The following DST variants were observed in gnomAD, a reference collection of about 807,000 sequenced individuals.
The protein encoded by DST is bullous pemphigoid antigen.
DST carries 253 observed loss-of-function variants against 875.2 expected under a neutral mutation model. The ratio of observed to expected loss-of-function variants is 0.29; its 90% CI spans 0.26 to 0.32. The LOEUF (loss-of-function observed/expected upper bound fraction) is 0.32. DST is among the 10% of genes least tolerant of loss of function. The pLI, the probability that DST is intolerant of heterozygous loss-of-function variation, is 1.00. For synonymous variants in DST, 3,124 were observed against 3,197.1 expected (o/e 0.98, Z 0.77); for missense variants, 8,287 against 9,111.6 (o/e 0.91, Z 3.68).
intron 9 of DST, among the ~76,000 whole-genome samples, chr6:56,686,561 CA>C (rs1486245563): frequency 6.6e-6 from 1 of 152,082 alleles, no homozygotes; most frequent in Non-Finnish European, 1.5e-5. Context: ...AGAAGGCTAA[CA>C]AAGTTTTAAG....
chr6:56,954,698 G>A lies in DST; in HGVS notation c.-111C>T. On this transcript the variant is annotated 5_prime_UTR_variant, in exon 1 of 104. It adds an upstream start codon to the 5' untranslated region. Transcript: ENST00000680361. ...GGCACGGGTGAGCGCGGCTCAGCGC[G>A]TCATGCCTGGCGCTCGCGGCCCCGC... The A allele has an allele frequency of 3.2e-6, 2 of 633,164 alleles. No individual in the cohort carries two copies. The highest frequency in any genetic ancestry group is 4.0e-6 in the Non-Finnish European group (2 of 496,860). The allele number at this position is 633,164 out of a possible 1,614,324, so 39.2% of individuals were successfully genotyped here.
At chr6:56,624,737 C>T in intron 35 of DST, 109 bp from the exon 36 acceptor site, 1 of 727,860 alleles carries the variant, frequency 1.4e-6, no homozygotes, top group Admixed American at 2.0e-5. Context: ...CAGCAAAGCA[C>T]ACAACTCCCC....
Position 56,714,192 on chromosome 6 carries a change from C to T in DST, c.688-9823G>A, listed in dbSNP as rs2099387304. Among the ~76,000 whole-genome samples the T allele has an allele frequency of 6.6e-6, 1 of 152,140 alleles. No individual in the cohort carries two copies. Among genetic ancestry groups the T allele is most frequent in the Non-Finnish European group, 1.5e-5 (1 of 68,030 alleles). On this transcript the variant is annotated intron_variant, in intron 5 of 103. Coordinates refer to ENST00000680361, the MANE Select transcript of DST (RefSeq NM_001374736.1). This position sits in a 1 kb window ranked among gnomAD's most constrained non-coding sequence, Gnocchi z 4.5. ...AAAATAAAACCACCCAAAATCATAT[C>T]TGGGGAACTGATATGTTTGGAATGG... is the stretch of plus-strand genomic sequence containing the variant.
intron 3 of DST, among the ~76,000 whole-genome samples, chr6:56,889,849 C>A (rs1786490878): frequency 6.6e-6 from 1 of 152,058 alleles, no homozygotes; most frequent in Non-Finnish European, 1.5e-5. Flanking sequence ...AGGTGCCCTG[C>A]CACAGAAAGA....
Position 56,552,597 on chromosome 6 carries a change from C to A in DST, c.16195G>T (p.Ala5399Ser), listed in dbSNP as rs553940584. 1.9e-6 allele frequency: 3 copies of A among 1,613,900 alleles called. No homozygotes were observed. The highest frequency in any genetic ancestry group is 1.1e-5 in the South Asian group (1 of 91,072). The change falls in exon 61 of 104, where the codon GCA becomes TCA. Residue 5399 changes from alanine (A) to serine (S), a missense_variant. Ala to Ser is a moderately conservative substitution (Grantham distance 99, BLOSUM62 1). Transcript: ENST00000680361. Reference sequence around the variant, plus strand: ...CTATCCAGTTCATCATCAAACTCTGCGAACTGAGAAAACATTTCTCGAATG... The same window carrying A: ...CTATCCAGTTCATCATCAAACTCTGAGAACTGAGAAAACATTTCTCGAATG... ...NTIREMFSQF[A>S]EFDDELDSMA...
At chr6:56,477,585 A>T (rs1409372995) in intron 90 of DST, 97 bp from the exon 91 acceptor site, 1 of 1,473,960 alleles carries the variant, frequency 6.8e-7, no homozygotes, top group Non-Finnish European at 9.4e-7. Flanking sequence ...ACAAATAAAC[A>T]AAAACTTCAA....
intron 60 of DST, among the ~76,000 whole-genome samples, chr6:56,555,046 T>C (rs1362625815): frequency 6.6e-6 from 1 of 152,196 alleles, no homozygotes; most frequent in African/African-American, 2.4e-5. Flanking sequence ...AAATAAGACT[T>C]TCATACAGCA....
At chr6:56,484,468 A>G (rs1413999291) in intron 88 of DST, 2 of 152,194 alleles carry the variant, frequency 1.3e-5, no homozygotes. Flanking sequence ...AGATCAAAAT[A>G]GCATAACCAA....
At chr6:56,583,739 T>G (rs2098079807) in intron 49 of DST, among the ~76,000 whole-genome samples, 1 of 152,210 alleles carries the variant, frequency 6.6e-6, no homozygotes, top group Non-Finnish European at 1.5e-5. Flanking sequence ...GGTCTAACAT[T>G]TAAGTATTTA....
rs61263396 is a variant in DST at position 56,610,467 on chromosome 6, T to C, written c.5243A>G (p.Gln1748Arg). Residue 1748 changes from glutamine to arginine, a missense_variant, in exon 39 of 104, where the codon CAA (glutamine) becomes CGA (arginine). Gln to Arg is a conservative substitution (Grantham distance 43). Transcript: ENST00000680361. ...TACATCTCCTGAGGTTTGTGATTCT[T>C]GTAGCTGTTTCAGAGATTCACTGAA... is the stretch of plus-strand genomic sequence containing the variant. ...LLFSESLKQL[Q>R]ESQTSGDVKV... 4 of 1,568,038 alleles carry C rather than the reference T, an allele frequency of 2.6e-6. No individual in the cohort carries two copies. Among genetic ancestry groups the C allele is most frequent in the African/African-American group, 2.7e-5 (2 of 73,844 alleles).
At position 56,482,705 on chromosome 6, in the gene DST, C is replaced by T. The variant is rs2095440944; in HGVS notation, c.21380G>A (p.Arg7127Gln). 2 of 1,613,578 alleles carry T rather than the reference C, an allele frequency of 1.2e-6. No homozygotes were observed. The highest frequency in any genetic ancestry group is 1.1e-5 in the South Asian group (1 of 91,016). The change falls in exon 89 of 104, where the codon CGG becomes CAG. Residue 7127 changes from arginine to glutamine, a missense_variant. Physicochemically the swap from Arg to Gln is conservative, Grantham distance 43. This residue lies in a region of DST where 1,292 missense variants were observed against 1,552.7 expected (regional missense o/e 0.83). Transcript: ENST00000680361. ...VCALSISKQT[R>Q]LEAALRQAEE... ...TACCTGACGCAGGGCTGCTTCTAAC[C>T]GTGTTTGCTTTGATATAGAAAGTGC...
Position 56,642,087 on chromosome 6 carries a change from T to C in DST, c.1887A>G (p.Leu629=). 6.2e-7 allele frequency: 1 copy of C among 1,612,178 alleles called. No homozygotes were observed. Among genetic ancestry groups the C allele is most frequent in the Non-Finnish European group, 8.5e-7 (1 of 1,178,684 alleles). The change falls in exon 17 of 104, where the codon TTA becomes TTG. Residue 629 remains leucine (L), a synonymous_variant. Coordinates refer to ENST00000680361, the MANE Select transcript of DST (RefSeq NM_001374736.1). The part of the protein sequence containing the change: ...GNALQSDSKR[L]ESGVQFQNEA... Reference sequence around the variant, plus strand: ...CATTCTGAAACTGCACTCCTGATTCTAATCTTTTAGAATCCTGTATTTTAA... The same window carrying C: ...CATTCTGAAACTGCACTCCTGATTCCAATCTTTTAGAATCCTGTATTTTAA...
At chr6:56,591,874 T>G (rs986043050) in intron 49 of DST, among the ~76,000 whole-genome samples, 1 of 148,846 alleles carries the variant, frequency 6.7e-6, no homozygotes, top group Non-Finnish European at 1.5e-5. Context: ...CCCAGCTACT[T>G]GGGAGGCTGA....
chr6:56,877,448 T>A (rs1333998120), intron 3 of DST, among the ~76,000 whole-genome samples: 1 of 152,136 alleles, frequency 6.6e-6, no homozygotes, highest in Non-Finnish European at 1.5e-5. Flanking sequence ...CCCAGCTACC[T>A]GGGAGGCAGA....
At chr6:56,487,642 G>A (rs1457161395) in intron 86 of DST, among the ~76,000 whole-genome samples, 1 of 152,170 alleles carries the variant, frequency 6.6e-6, no homozygotes, top group Non-Finnish European at 1.5e-5. Context: ...GTAAGTTGAG[G>A]AGCATCTGTA....
chr6:56,604,542 C>T lies in DST; in HGVS notation c.10086G>A (p.Arg3362=). 2 of 1,612,336 alleles carry T rather than the reference C, an allele frequency of 1.2e-6. No individual in the cohort carries two copies. The highest frequency in any genetic ancestry group is 4.5e-5 in the East Asian group (2 of 44,852). ...GAGGGTTCATATGACCTTCTTTCAA[C>T]CTGCTTTTTAAGATATCCTTTACAT... ...VEDVKDILKS[R]LKEGHMNPQE... Residue 3362 remains arginine (R), a synonymous_variant, in exon 40 of 104, where the codon AGG becomes AGA. Coordinates refer to ENST00000680361, the MANE Select transcript of DST (RefSeq NM_001374736.1).
chr6:56,783,235 T>C (rs1230867416), intron 4 of DST, among the ~76,000 whole-genome samples: 3 of 152,210 alleles, frequency 2.0e-5, no homozygotes, highest in African/African-American at 7.2e-5. Flanking sequence ...AGATGTCTAT[T>C]ACGTCTGCTT....
intron 5 of DST, among the ~76,000 whole-genome samples, chr6:56,732,089 C>A (rs938542392): frequency 5.3e-5 from 8 of 152,076 alleles, no homozygotes; most frequent in Non-Finnish European, 1.0e-4. Flanking sequence ...GTTTCATGTT[C>A]CTAATTTTAA....
At chr6:56,660,329 G>GA (rs1051207030) in intron 10 of DST, among the ~76,000 whole-genome samples, 1 of 152,138 alleles carries the variant, frequency 6.6e-6, no homozygotes, top group Non-Finnish European at 1.5e-5. Flanking sequence ...GGATTGTGTG[G>GA]AAGTGTAAAA....
Sources: allele counts gnomAD v4.1 joint callset (sites outside exome capture counted in the v4.1 genomes callset), GRCh38; gene constraint gnomAD v4.1.1; regional missense constraint gnomAD v4.1.1; non-coding constraint Gnocchi (gnomAD v3.1); transcripts MANE v1.5; gene names NCBI Gene and HGNC (gene_info 2026-07-23, HGNC 2026-07-21).